PPFIA2: variants seen among roughly 807,000 people sequenced by gnomAD.
The protein encoded by PPFIA2 is PPFI scaffold protein A2, also known as liprin-alpha-2.
A neutral mutation model predicts 175.5 loss-of-function variants in PPFIA2; 46 were observed. The observed-to-expected ratio is 0.26, with a 90% confidence interval of 0.21 to 0.34. PPFIA2 has a LOEUF of 0.34. Ranked by LOEUF, PPFIA2 falls within the 10% of genes least tolerant of loss-of-function variation. PPFIA2 has a pLI of 1.00. For synonymous variants in PPFIA2, 568 were observed against 511.4 expected, an observed-to-expected ratio of 1.11 and a Z score of -1.49; for missense variants, 1,179 against 1,506.1, an observed-to-expected ratio of 0.78 and a Z score of 3.60.
In PPFIA2 at chr12:81,276,432, T is replaced by A. The variant is rs75516622; in HGVS notation, c.3310+885A>T. Among the ~76,000 whole-genome samples, 376 of 152,242 alleles carry A rather than the reference T, an allele frequency of 2.5e-3. 8 individuals are homozygous for A. The East Asian group carries it at 0.055, about 22-fold the overall frequency. On this transcript the variant is annotated intron_variant, in intron 28 of 32. Coordinates refer to ENST00000549396, the MANE Select transcript of PPFIA2 (RefSeq NM_003625.5). ...TTAAATTTAAAACAAAAAAATACCT[T>A]TACCTATATCTTTTTCCAATCATGT...
At chr12:81,681,069 A>G (rs2153575950) in intron 3 of PPFIA2, among the ~76,000 whole-genome samples, 1 of 152,056 alleles carries the variant, frequency 6.6e-6, no homozygotes, top group Middle Eastern at 3.4e-3. Flanking sequence ...ACATAAAACC[A>G]TTTGGATTCA....
chr12:81,453,819 A>G (rs939761185), intron 5 of PPFIA2, among the ~76,000 whole-genome samples: 4 of 152,220 alleles, frequency 2.6e-5, no homozygotes, highest in African/African-American at 9.6e-5. Context: ...TGGAGAAAAC[A>G]TAATACATGG....
chr12:81,658,445 C>T (rs540124193), intron 4 of PPFIA2, among the ~76,000 whole-genome samples: 1 of 152,076 alleles, frequency 6.6e-6, no homozygotes, highest in South Asian at 2.1e-4. Context: ...ATCTTTACTT[C>T]ATATTTTTCA....
intron 4 of PPFIA2, among the ~76,000 whole-genome samples, chr12:81,606,416 A>T (rs902671411): frequency 1.3e-5 from 2 of 152,098 alleles, no homozygotes; most frequent in African/African-American, 4.8e-5. Context: ...ACAGTGGCTG[A>T]ACTCATTTAC....
At chr12:81,432,422 A>C (rs1486202949) in intron 7 of PPFIA2, among the ~76,000 whole-genome samples, 1 of 151,688 alleles carries the variant, frequency 6.6e-6, no homozygotes, top group Non-Finnish European at 1.5e-5. Flanking sequence ...TTTTAACATT[A>C]ACAGGTCTAT....
intron 3 of PPFIA2, among the ~76,000 whole-genome samples, chr12:81,714,947 G>A (rs1049102394): frequency 1.3e-5 from 2 of 151,008 alleles, no homozygotes; most frequent in Admixed American, 6.8e-5. Flanking sequence ...TTAACATTTC[G>A]AGGAGGTAGT....
intron 4 of PPFIA2, among the ~76,000 whole-genome samples, chr12:81,637,235 AATTTTTTTTTTTTTTTTTTTTTT>A: frequency 1.0e-5 from 1 of 97,162 alleles, no homozygotes; most frequent in Middle Eastern, 6.2e-3. Flanking sequence ...ACGCCAGGCT[AATTTTTTTTTTTTTTTTTTTTTT>A]TTTTTTTTTT....
At chr12:81,755,425 C>CA (rs1009368832) in intron 2 of PPFIA2, among the ~76,000 whole-genome samples, 1 of 152,134 alleles carries the variant, frequency 6.6e-6, no homozygotes, top group African/African-American at 2.4e-5. Flanking sequence ...GATCCTGAAG[C>CA]ACTGTTTGGT....
intron 4 of PPFIA2, among the ~76,000 whole-genome samples, chr12:81,609,627 A>G (rs1349631048): frequency 6.6e-6 from 1 of 152,166 alleles, no homozygotes; most frequent in African/African-American, 2.4e-5. Context: ...TTTGCATGGT[A>G]GATCTTTCCT....
At chr12:81,501,123 T>C (rs974395992) in intron 4 of PPFIA2, among the ~76,000 whole-genome samples, 1 of 152,222 alleles carries the variant, frequency 6.6e-6, no homozygotes, top group Non-Finnish European at 1.5e-5. Flanking sequence ...TAGCCTATGA[T>C]GTCCTACATG....
chr12:81,283,757 G>A lies in PPFIA2; in HGVS notation c.2988+484C>T, dbSNP rs1593816703. Among the ~76,000 whole-genome samples the A allele has an allele frequency of 2.0e-5, 3 of 152,068 alleles. 1 individual carries two copies. In the East Asian group the frequency reaches 5.8e-4, roughly 29 times the overall value. On this transcript the variant is annotated intron_variant, in intron 25 of 32. Transcript: ENST00000549396. ...AGTCCCCAAGAAATTCTTTAAAATT[G>A]TGCTTTTCAGTACCAAATTAACATA... is the stretch of plus-strand genomic sequence containing the variant.
At position 81,642,745 on chromosome 12, in the gene PPFIA2, G is replaced by GTATTATATACATGTATGTATA. The variant is rs1567688833; in HGVS notation, c.303+34045_303+34046insTATACATACATGTATATAATA. On this transcript the variant is annotated intron_variant, in intron 4 of 32. Coordinates refer to ENST00000549396, the MANE Select transcript of PPFIA2 (RefSeq NM_003625.5). ...TATACATACATGTATATGTATGTAT[G>GTATTATATACATGTATGTATA]TATTATATACATACATGTATATGTA... Among the ~76,000 whole-genome samples, 6 of 8,682 alleles carry GTATTATATACATGTATGTATA rather than the reference G, an allele frequency of 6.9e-4. 2 individuals carry two copies. Among genetic ancestry groups the GTATTATATACATGTATGTATA allele is most frequent in the Admixed American group, 3.9e-3 (2 of 512 alleles). The allele number at this position is 8,682 out of a possible 152,430, so 5.7% of individuals were successfully genotyped here.
intron 4 of PPFIA2, among the ~76,000 whole-genome samples, chr12:81,578,632 A>G (rs1258148298): frequency 6.6e-6 from 1 of 151,850 alleles, no homozygotes; most frequent in Non-Finnish European, 1.5e-5. Flanking sequence ...TAATCTTTAT[A>G]AAATTTCTTT....
At chr12:81,287,360 G>A (rs761818522) in intron 24 of PPFIA2, among the ~76,000 whole-genome samples, 1 of 151,870 alleles carries the variant, frequency 6.6e-6, no homozygotes, top group Non-Finnish European at 1.5e-5. Context: ...CTTTAAGTCT[G>A]TGTCTGCCAG....
intron 4 of PPFIA2, among the ~76,000 whole-genome samples, chr12:81,553,124 G>A (rs903356476): frequency 3.3e-5 from 5 of 151,916 alleles, no homozygotes; most frequent in African/African-American, 7.3e-5. Context: ...TTAATCTCAC[G>A]GGCTGAGAGG....
intron 4 of PPFIA2, among the ~76,000 whole-genome samples, chr12:81,624,652 T>C (rs1411632240): frequency 6.8e-6 from 1 of 147,322 alleles, no homozygotes; most frequent in Non-Finnish European, 1.5e-5. Context: ...GTATAACATA[T>C]ATATAACAAA....
chr12:81,485,520 A>C (rs1468678760), intron 4 of PPFIA2, among the ~76,000 whole-genome samples: 3 of 151,834 alleles, frequency 2.0e-5, no homozygotes, highest in African/African-American at 7.2e-5. Flanking sequence ...CTCTCACCTC[A>C]AATCTGTCAC....
At chr12:81,670,424 C>T (rs2071188783) in intron 4 of PPFIA2, among the ~76,000 whole-genome samples, 1 of 151,884 alleles carries the variant, frequency 6.6e-6, no homozygotes, top group Admixed American at 6.6e-5. Context: ...CTCTTTATTT[C>T]ATCACCCATG....
At chr12:81,618,784 G>A (rs1039461357) in intron 4 of PPFIA2, among the ~76,000 whole-genome samples, 6 of 151,004 alleles carry the variant, frequency 4.0e-5, no homozygotes, top group Non-Finnish European at 3.0e-5. Flanking sequence ...CACCCGCCTC[G>A]GCCTCCCAAA....
Sources: allele counts gnomAD v4.1 joint callset (sites outside exome capture counted in the v4.1 genomes callset), GRCh38; gene constraint gnomAD v4.1.1; transcripts MANE v1.5; gene names NCBI Gene and HGNC (gene_info 2026-07-23, HGNC 2026-07-21).